Variants in BRD1 observed in about 807,000 individuals in gnomAD.
BRD1 encodes bromodomain-containing protein 1.
Under a neutral mutation model 107.7 loss-of-function variants are expected in BRD1, and 24 were observed. The ratio of observed to expected loss-of-function variants is 0.22; its 90% CI spans 0.16 to 0.31. BRD1 has a LOEUF of 0.31. Among genes scored for constraint, BRD1 ranks in the 10% least tolerant of loss-of-function variants. BRD1 has a pLI of 1.00. For synonymous variants in BRD1, 744 were observed against 686.1 expected (o/e 1.08, Z -1.32); for missense variants, 1,279 against 1,638.6 (o/e 0.78, Z 3.79).
chr22:49,775,422 G>A (rs1736892831), intron 12 of BRD1, 169 bp downstream of exon 12: 3 of 599,156 alleles, frequency 5.0e-6, no homozygotes, highest in Non-Finnish European at 7.7e-6. Flanking sequence ...GAGGGGGCTG[G>A]GCAGTGCCCT....
rs186993498 is a variant in BRD1 at position 49,823,673 on chromosome 22, G to A, written c.645C>T (p.Ala215=). The part of the protein sequence containing the change: ...GEQQSLIDED[A]VCCICMDGEC... ...CCCCGTCCATGCAGATGCAGCACAC[G>A]GCGTCCTCGTCGATCAGAGACTGCT... The change falls in exon 2 of 13, where the codon GCC becomes GCT. Residue 215 remains alanine (A), a synonymous_variant. Transcript: ENST00000404760. 3.0e-5 allele frequency: 48 copies of A among 1,613,230 alleles called. No individual in the cohort carries two copies. Among genetic ancestry groups the A allele is most frequent in the Middle Eastern group, 1.6e-4 (1 of 6,062 alleles).
chr22:49,807,388 CAA>C, intron 2 of BRD1, among the ~76,000 whole-genome samples: 2 of 152,274 alleles, frequency 1.3e-5, no homozygotes, highest in East Asian at 3.9e-4. Context: ...CTACGGTCAT[CAA>C]AACAGTGCGG....
intron 3 of BRD1, among the ~76,000 whole-genome samples, chr22:49,799,681 T>G (rs1569114111): frequency 6.6e-6 from 1 of 152,096 alleles, no homozygotes; most frequent in African/African-American, 2.4e-5. Flanking sequence ...GGGTCCCATT[T>G]CCATTGATAG....
At chr22:49,796,986 A>T (rs1352194186) in intron 6 of BRD1, among the ~76,000 whole-genome samples, 3 of 152,228 alleles carry the variant, frequency 2.0e-5, no homozygotes, top group African/African-American at 4.8e-5. Flanking sequence ...TAGACAAATA[A>T]GCCAAACACA....
At chr22:49,808,997 T>C (rs576577119) in intron 2 of BRD1, among the ~76,000 whole-genome samples, 1 of 151,970 alleles carries the variant, frequency 6.6e-6, no homozygotes, top group South Asian at 2.1e-4. Context: ...CACACGCCCG[T>C]AATCCTAGCT....
Position 49,780,760 on chromosome 22 carries a change from C to A in BRD1, c.2858-2947G>T, listed in dbSNP as rs1346115188. Among the ~76,000 whole-genome samples, 5 of 152,380 alleles carry A rather than the reference C, an allele frequency of 3.3e-5. No individual in the cohort carries two copies. The East Asian group carries it at 7.7e-4, about 23-fold the overall frequency. On this transcript the variant is annotated intron_variant, in intron 8 of 12. Coordinates refer to ENST00000404760, the MANE Select transcript of BRD1 (RefSeq NM_001304808.3). ...CTCCCGCCCTGGGAGGCTCTTCCAG[C>A]CAGCTGGGAGATGTCCACCATGACC...
At chr22:49,819,747 C>T (rs2060028046) in intron 2 of BRD1, among the ~76,000 whole-genome samples, 1 of 151,924 alleles carries the variant, frequency 6.6e-6, no homozygotes, top group Non-Finnish European at 1.5e-5. Context: ...CACACCCAGC[C>T]CTGCCTGTTT....
chr22:49,786,096 T>C (rs545314741), intron 8 of BRD1, among the ~76,000 whole-genome samples: 2 of 144,196 alleles, frequency 1.4e-5, no homozygotes, highest in African/African-American at 5.1e-5. Context: ...ACTGCTCAAG[T>C]GCACGAGGCA....
rs566150641 is a variant in BRD1, at chr22:49,802,163, T to A, written c.1524+2041A>T. 2.7e-3 allele frequency among the ~76,000 whole-genome samples: 389 copies of A among 146,326 alleles called. 1 individual carries two copies. The highest frequency in any genetic ancestry group is 7.0e-3 in the African/African-American group (273 of 39,230). On this transcript the variant is annotated intron_variant, in intron 3 of 12. Coordinates refer to ENST00000404760, the MANE Select transcript of BRD1 (RefSeq NM_001304808.3). ...GAGACCAATGCCTCCACTCTCTTCC[T>A]TTCCCCAACATCGCGGGGGCCGAGA...
chr22:49,789,327 C>A (rs1051077015), intron 7 of BRD1, among the ~76,000 whole-genome samples: 1 of 152,156 alleles, frequency 6.6e-6, no homozygotes, highest in Non-Finnish European at 1.5e-5. Flanking sequence ...CTGGGCAATG[C>A]GGAGAAGGGC....
chr22:49,813,472 T>A (rs1319320359), intron 2 of BRD1, among the ~76,000 whole-genome samples: 1 of 151,092 alleles, frequency 6.6e-6, no homozygotes, highest in African/African-American at 2.4e-5. Context: ...TCCGCCCCCC[T>A]TGGCCTCTCA....
At position 49,773,989 on chromosome 22, in the gene BRD1, G is replaced by A. The variant is rs559667512; in HGVS notation, c.*244C>T. The A allele has an allele frequency of 3.4e-5, 13 of 385,650 alleles. No homozygotes were observed. The highest frequency in any genetic ancestry group is 2.2e-4 in the Admixed American group (5 of 22,516). The allele number at this position is 385,650 out of a possible 1,614,324, so 23.9% of individuals were successfully genotyped here. ...AAAGCTACATATCAAAGAAAGTGAC[G>A]CCAGCAGCACGGCCTGGGGACGTGC... On this transcript the variant is annotated 3_prime_UTR_variant, in exon 13 of 13. Coordinates refer to ENST00000404760, the MANE Select transcript of BRD1 (RefSeq NM_001304808.3).
At chr22:49,776,922 C>T (rs932754978) in intron 10 of BRD1, 112 bp downstream of exon 10, 9 of 1,484,868 alleles carry the variant, frequency 6.1e-6, no homozygotes, top group Admixed American at 1.8e-5. Flanking sequence ...CAGGGTGGGG[C>T]TCCACACAGG....
intron 2 of BRD1, among the ~76,000 whole-genome samples, chr22:49,812,885 G>C (rs2059877638): frequency 6.6e-6 from 1 of 152,064 alleles, no homozygotes; most frequent in Non-Finnish European, 1.5e-5. Flanking sequence ...GTACACGGAC[G>C]CACCAAGGAC....
At position 49,792,270 on chromosome 22, in the gene BRD1, G is replaced by A. The variant is rs2059450145; in HGVS notation, c.2359+1764C>T. On this transcript the variant is annotated intron_variant, in intron 7 of 12. Transcript: ENST00000404760. This position sits in a 1 kb window ranked among gnomAD's most constrained non-coding sequence, Gnocchi z 4.2. ...AAGCGCTGGAAGCTATTTTGAGAAT[G>A]GTGAGTGGACCTGCTGGCAACCTCC... Among the ~76,000 whole-genome samples, 1 of 152,244 alleles carries A rather than the reference G, an allele frequency of 6.6e-6. No individual in the cohort carries two copies. The highest frequency in any genetic ancestry group is 1.5e-5 in the Non-Finnish European group (1 of 68,036).
chr22:49,813,217 G>A (rs1466467849), intron 2 of BRD1, among the ~76,000 whole-genome samples: 1 of 152,050 alleles, frequency 6.6e-6, no homozygotes, highest in Non-Finnish European at 1.5e-5. Context: ...ACAGTGAGAC[G>A]CCATCTCTAT....
In BRD1 at chr22:49,776,083, G is replaced by A. The variant is rs1164299397; in HGVS notation, c.3198C>T (p.Ala1066=). 2 of 1,598,692 alleles carry A rather than the reference G, an allele frequency of 1.3e-6. No individual in the cohort carries two copies. The change falls in exon 11 of 13, where the codon GCC becomes GCT. Residue 1066 remains alanine, a synonymous_variant. Transcript: ENST00000404760. ...SVLEPLKVVW[A]KCSGYPSYPA... is the part of the protein sequence containing the mutation. ...GGTAGGAGGGGTAGCCGCTGCACTT[G>A]GCCCACACCACCTTCAGAGGCTCCA...
At chr22:49,774,472 G>A (rs2059041384) in intron 12 of BRD1, 56 bp from the exon 13 acceptor site, 1 of 1,545,390 alleles carries the variant, frequency 6.5e-7, no homozygotes. Context: ...TATTTCAGCA[G>A]GCTCCATGTA....
At chr22:49,820,211 C>T (rs919398559) in intron 2 of BRD1, among the ~76,000 whole-genome samples, 1 of 152,182 alleles carries the variant, frequency 6.6e-6, no homozygotes, top group Admixed American at 6.5e-5. Context: ...TAAAAGCAGT[C>T]CGTCCCTGAA....
Sources: gnomAD v4.1 joint callset for allele counts (sites outside exome capture counted in the v4.1 genomes callset) on GRCh38, gnomAD v4.1.1 for gene constraint, Gnocchi (gnomAD v3.1) non-coding constraint, MANE v1.5 for transcripts, NCBI Gene and HGNC (gene_info 2026-07-23, HGNC 2026-07-21) for gene names.